The following TARS1 variants were observed in gnomAD, a reference collection of about 807,000 sequenced individuals.
The protein encoded by TARS1 is threonine--tRNA ligase 1, cytoplasmic.
A neutral mutation model predicts 97.7 loss-of-function variants in TARS1; 57 were observed. The ratio of observed to expected loss-of-function variants is 0.58; its 90% confidence interval spans 0.47 to 0.73. The LOEUF (loss-of-function observed/expected upper bound fraction) is 0.73, where lower values mean the gene tolerates loss of function less well. TARS1 is among the 30% of genes least tolerant of loss of function. The pLI is 0.00. For missense variants in TARS1, 806 were observed against 888.3 expected (o/e 0.91, Z 1.18); for synonymous variants, 312 against 293.7 (o/e 1.06, Z -0.64).
At chr5:33,462,506 C>T (rs903010227) in intron 16 of TARS1, among the ~76,000 whole-genome samples, 3 of 152,080 alleles carry the variant, frequency 2.0e-5, no homozygotes, top group Admixed American at 6.6e-5. Flanking sequence ...GGATGCTTTT[C>T]TAGTAACTTT....
chr5:33,466,951 A>C lies in TARS1; in HGVS notation c.1989A>C (p.Arg663=). The C allele has an allele frequency of 6.2e-7, 1 of 1,606,942 alleles. No individual in the cohort carries two copies. Among genetic ancestry groups the C allele is most frequent in the Non-Finnish European group, 8.5e-7 (1 of 1,177,012 alleles). The change falls in exon 18 of 19, where the codon CGA becomes CGC. Residue 663 remains arginine, a synonymous_variant. Transcript: ENST00000265112. ...GCTGTACATTGAATAAAAAGATTCG[A>C]AATGCACAGTTAGCACAGTATAACT... ...DPGCTLNKKI[R]NAQLAQYNFI...
Position 33,466,859 on chromosome 5 carries a change from C to G in TARS1, c.1909-12C>G. Reference sequence around the variant, plus strand: ...TTTAGATCTGACAAATTCTGTATCTCTGTTACAATAGGTACGACAACAATT... The same window carrying G: ...TTTAGATCTGACAAATTCTGTATCTGTGTTACAATAGGTACGACAACAATT... On this transcript the variant is annotated splice_polypyrimidine_tract_variant and intron_variant, in intron 17 of 18. Coordinates refer to ENST00000265112, the MANE Select transcript of TARS1 (RefSeq NM_152295.5). 1 of 1,570,986 alleles carries G rather than the reference C, an allele frequency of 6.4e-7. No homozygotes were observed. The highest frequency in any genetic ancestry group is 8.7e-7 in the Non-Finnish European group (1 of 1,151,354).
At chr5:33,461,430 G>GT (rs1409949577) in intron 13 of TARS1, 135 bp downstream of exon 13, 3 of 1,301,462 alleles carry the variant, frequency 2.3e-6, no homozygotes, top group Non-Finnish European at 3.2e-6. Flanking sequence ...GTGTAAGCTA[G>GT]TTTTTTTCTT....
chr5:33,440,992 CAA>C lies in TARS1; in HGVS notation c.-94_-93del, dbSNP rs1741055895. On this transcript the variant is annotated 5_prime_UTR_variant, in exon 1 of 19. Coordinates refer to ENST00000265112, the MANE Select transcript of TARS1 (RefSeq NM_152295.5). ...TTGCATCAGCTGGTCCAGCCGAGGC[CAA>C]GTCCCGGGCGCTAGCCCACCTCCCA... The C allele has an allele frequency of 6.5e-7, 1 of 1,528,942 alleles. No individual in the cohort carries two copies. Among genetic ancestry groups the C allele is most frequent in the Non-Finnish European group, 9.0e-7 (1 of 1,111,134 alleles). 94.7% of individuals were successfully genotyped at this position (1,528,942 alleles called of 1,614,324 possible). A position where few individuals can be genotyped will look rare whatever the true frequency, so the allele number is the denominator to read the frequency against.
Position 33,467,732 on chromosome 5 carries a change from C to T in TARS1, c.*24C>T. On this transcript the variant is annotated 3_prime_UTR_variant, in exon 19 of 19. Coordinates refer to ENST00000265112, the MANE Select transcript of TARS1 (RefSeq NM_152295.5). ...AATGAAAAAATTACCCAGATTGGCT[C>T]CATGGAAAAGGAGGAACAGCGTTTC... is the stretch of plus-strand genomic sequence containing the variant. 1 of 1,599,136 alleles carries T rather than the reference C, an allele frequency of 6.3e-7. No homozygotes were observed. Among genetic ancestry groups the T allele is most frequent in the Non-Finnish European group, 8.5e-7 (1 of 1,174,102 alleles).
chr5:33,456,423 C>A (rs762808627), intron 8 of TARS1, among the ~76,000 whole-genome samples, 196 bp downstream of exon 8: 12 of 152,178 alleles, frequency 7.9e-5, no homozygotes, highest in Non-Finnish European at 1.8e-4. Flanking sequence ...GACTTGCTGT[C>A]ATTGCCAGAG....
chr5:33,449,516 C>T lies in TARS1; in HGVS notation c.329+785C>T, dbSNP rs553861841. Among the ~76,000 whole-genome samples the T allele has an allele frequency of 6.4e-5, 8 of 124,084 alleles. No homozygotes were observed. In the South Asian group the frequency reaches 1.7e-3, roughly 26 times the overall value. The allele number at this position is 124,084 out of a possible 152,430, so 81.4% of individuals were successfully genotyped here. A position where few individuals can be genotyped will look rare whatever the true frequency, so the allele number is the denominator to read the frequency against. ...TGCCCAGGAGGCTAGAGTGCAGTGG[C>T]GCGATCTTGGCTCACTGCAAGCTCC... On this transcript the variant is annotated intron_variant, in intron 3 of 18. Transcript: ENST00000265112.
At position 33,457,363 on chromosome 5, in the gene TARS1, A is replaced by G. The variant is rs747331057; in HGVS notation, c.944A>G (p.Gln315Arg). The stretch of plus-strand genomic sequence containing the variant: ...ATGTTGAAAGAGTGGGAGAAGTTCC[A>G]AGAGGAAGCTAAAAACCGAGATCAT... ...PKMLKEWEKF[Q>R]EEAKNRDHRK... Residue 315 changes from glutamine to arginine, a missense_variant, in exon 9 of 19, where the codon CAA becomes CGA. By Grantham distance (43) the Gln-to-Arg change is conservative. Coordinates refer to ENST00000265112, the MANE Select transcript of TARS1 (RefSeq NM_152295.5). 3.4e-5 allele frequency: 55 copies of G among 1,613,992 alleles called. No homozygotes were observed. The highest frequency in any genetic ancestry group is 4.5e-5 in the Non-Finnish European group (53 of 1,179,994).
chr5:33,446,432 C>T (rs776873658), intron 2 of TARS1, among the ~76,000 whole-genome samples: 2 of 152,194 alleles, frequency 1.3e-5, no homozygotes, highest in Non-Finnish European at 2.9e-5. Flanking sequence ...TACAAACATA[C>T]GTGCTGTTCC....
At chr5:33,455,343 C>G (rs763146628) in intron 5 of TARS1, among the ~76,000 whole-genome samples, 4 of 151,912 alleles carry the variant, frequency 2.6e-5, no homozygotes, top group African/African-American at 9.7e-5. Context: ...GATAGAGTTG[C>G]GGGAAGGGGT....
chr5:33,440,953 A>T, upstream of TARS1: 1 of 1,013,486 alleles, frequency 9.9e-7, no homozygotes, highest in Non-Finnish European at 1.5e-6. Flanking sequence ...GGGCGGGGTT[A>T]GGGCGCCTTT....
In TARS1 at chr5:33,467,599, T is replaced by C. The variant is rs1337880960; in HGVS notation, c.2063T>C (p.Ile688Thr). The change falls in exon 19 of 19, where the codon ATC becomes ACC. Residue 688 changes from isoleucine (I) to threonine (T), a missense_variant. Coordinates refer to ENST00000265112, the MANE Select transcript of TARS1 (RefSeq NM_152295.5). Reference protein sequence around the residue: ...EKEKISGTVNIRTRDNKVHGE... With the variant: ...EKEKISGTVNTRTRDNKVHGE... The stretch of plus-strand genomic sequence containing the variant: ...GAGAAAATCAGTGGCACTGTTAATA[T>C]CCGCACAAGAGACAATAAGGTCCAC... The C allele has an allele frequency of 3.7e-6, 6 of 1,613,256 alleles. No homozygotes were observed. The highest frequency in any genetic ancestry group is 1.3e-5 in the African/African-American group (1 of 74,972).
At position 33,446,569 on chromosome 5, in the gene TARS1, A is replaced by G. The variant is rs117577672; in HGVS notation, c.138+1165A>G. 200 of 619,014 alleles carry G rather than the reference A, an allele frequency of 3.2e-4. 3 individuals are homozygous for G. The East Asian group carries it at 9.7e-3, about 30-fold the overall frequency. 38.3% of individuals were successfully genotyped at this position (619,014 alleles called of 1,614,324 possible). The stretch of plus-strand genomic sequence containing the variant: ...ACGATTGGTCTGGAAAAAAGAGTGT[A>G]CAGTGAACTGTCCAAGACCTTGGTC... On this transcript the variant is annotated intron_variant, in intron 2 of 18. Coordinates refer to ENST00000265112, the MANE Select transcript of TARS1 (RefSeq NM_152295.5).
chr5:33,460,829 C>T lies in TARS1; in HGVS notation c.1251-73C>T, dbSNP rs151003926. On this transcript the variant is annotated intron_variant, in intron 11 of 18. Coordinates refer to ENST00000265112, the MANE Select transcript of TARS1 (RefSeq NM_152295.5). Reference sequence around the variant, plus strand: ...AATCAGTGGCTTTTTGACAACCTTTCGTGTAATTAAATATAGCATTACAGA... The same window carrying T: ...AATCAGTGGCTTTTTGACAACCTTTTGTGTAATTAAATATAGCATTACAGA... 3.9e-5 allele frequency: 60 copies of T among 1,548,802 alleles called. No homozygotes were observed. The East Asian group carries it at 4.5e-4, about 12-fold the overall frequency.
chr5:33,451,406 G>C lies in TARS1; in HGVS notation c.330-1883G>C, dbSNP rs574322330. On this transcript the variant is annotated intron_variant, in intron 3 of 18. Coordinates refer to ENST00000265112, the MANE Select transcript of TARS1 (RefSeq NM_152295.5). ...TTTTTTTTTGAGACGGAGGAGTCTCGCTCTGTCGCCCAGGCTGGAGTGCAT... is the reference window on the plus strand; with the variant it reads ...TTTTTTTTTGAGACGGAGGAGTCTCCCTCTGTCGCCCAGGCTGGAGTGCAT... 2.1e-5 allele frequency among the ~76,000 whole-genome samples: 3 copies of C among 146,272 alleles called. No homozygotes were observed. The Admixed American group carries it at 2.1e-4, about 10-fold the overall frequency.
At position 33,458,681 on chromosome 5, in the gene TARS1, G is replaced by A; in HGVS notation, c.1083+17G>A. ...TTCATTAGGGTAAGTCATATTTATT[G>A]CTTTCTTCTTTAGATTTAGGATATG... On this transcript the variant is annotated intron_variant, in intron 10 of 18. Coordinates refer to ENST00000265112, the MANE Select transcript of TARS1 (RefSeq NM_152295.5). The A allele has an allele frequency of 6.4e-7, 1 of 1,572,840 alleles. No individual in the cohort carries two copies. The highest frequency in any genetic ancestry group is 1.1e-5 in the South Asian group (1 of 87,026).
chr5:33,460,936 G>A lies in TARS1; in HGVS notation c.1285G>A (p.Glu429Lys), dbSNP rs1487889816. ...MFDHRPRSWR[E>K]LPLRLADFGV... is the part of the protein sequence containing the mutation. ...TGATCATCGGCCAAGGTCCTGGCGA[G>A]AACTGCCTCTGCGGCTAGCTGATTT... Residue 429 changes from glutamate (E) to lysine (K), a missense_variant, in exon 12 of 19, where the codon GAA becomes AAA. Physicochemically the swap from Glu to Lys is moderately conservative, Grantham distance 56 (BLOSUM62 1). Transcript: ENST00000265112. 2 of 1,614,038 alleles carry A rather than the reference G, an allele frequency of 1.2e-6. No homozygotes were observed. Among genetic ancestry groups the A allele is most frequent in the Admixed American group, 3.3e-5 (2 of 60,002 alleles).
At chr5:33,453,188 A>C (rs1579582356) in intron 3 of TARS1, 101 bp from the exon 4 acceptor site, 1 of 1,293,390 alleles carries the variant, frequency 7.7e-7, no homozygotes, top group Non-Finnish European at 1.0e-6. Flanking sequence ...CAATATAAAA[A>C]AACAATATAT....
chr5:33,443,306 CCTCTCTCTCTCTCCCTCTCTCTCTCT>C (rs1163634242), intron 1 of TARS1, among the ~76,000 whole-genome samples: 2 of 85,510 alleles, frequency 2.3e-5, no homozygotes, highest in Non-Finnish European at 4.7e-5. Context: ...GTGGTGATTC[CCTCTCTCTCTCTCCCTCTCTCTCTCT>C]CTCTCTCTCT....
Sources: gnomAD v4.1 joint callset for allele counts (sites outside exome capture counted in the v4.1 genomes callset) on GRCh38, gnomAD v4.1.1 for gene constraint, MANE v1.5 for transcripts, NCBI Gene and HGNC (gene_info 2026-07-23, HGNC 2026-07-21) for gene names.